APPBP2: variants seen among roughly 807,000 people sequenced by gnomAD.
APPBP2 encodes the protein amyloid protein-binding protein 2.
A neutral mutation model predicts 76.0 loss-of-function variants in APPBP2; 15 were observed. The observed-to-expected ratio is 0.20, with a 90% confidence interval of 0.13 to 0.30. The LOEUF (loss-of-function observed/expected upper bound fraction) is 0.30, where lower values mean the gene tolerates loss of function less well. Ranked by LOEUF, APPBP2 falls within the 10% of genes least tolerant of loss-of-function variation. APPBP2 has a pLI of 1.00. For missense variants in APPBP2, 401 were observed against 687.2 expected, an observed-to-expected ratio of 0.58 and a Z score of 4.66; for synonymous variants, 222 against 242.2, an observed-to-expected ratio of 0.92 and a Z score of 0.77.
At chr17:60,504,946 A>G (rs1007356661) in intron 1 of APPBP2, among the ~76,000 whole-genome samples, 3 of 152,190 alleles carry the variant, frequency 2.0e-5, no homozygotes, top group African/African-American at 7.2e-5. Flanking sequence ...AAATAGCCAA[A>G]ACTTCAGAAA....
intron 9 of APPBP2, 116 bp from the exon 10 acceptor site, chr17:60,456,497 T>C (rs1270611234): frequency 1.4e-6 from 1 of 702,084 alleles, no homozygotes; most frequent in Non-Finnish European, 2.4e-6. Flanking sequence ...AAACTATCTG[T>C]GGTAAAGATC....
At chr17:60,495,928 C>T (rs1476885962) in intron 2 of APPBP2, among the ~76,000 whole-genome samples, 1 of 152,096 alleles carries the variant, frequency 6.6e-6, no homozygotes, top group Non-Finnish European at 1.5e-5. Flanking sequence ...GCAGTATTAT[C>T]CTTACGATGG....
intron 4 of APPBP2, among the ~76,000 whole-genome samples, chr17:60,472,563 C>T (rs2090561512): frequency 6.6e-6 from 1 of 152,014 alleles, no homozygotes; most frequent in Admixed American, 6.6e-5. Flanking sequence ...CTTTGTTAGT[C>T]TGGTATGGTT....
chr17:60,506,137 T>C (rs888653329), intron 1 of APPBP2, among the ~76,000 whole-genome samples: 4 of 151,998 alleles, frequency 2.6e-5, no homozygotes, highest in Admixed American at 6.6e-5. Context: ...ACTACAGGCA[T>C]GCACAACCAT....
chr17:60,489,397 G>A (rs1391231804), intron 3 of APPBP2, among the ~76,000 whole-genome samples: 1 of 151,552 alleles, frequency 6.6e-6, no homozygotes. Flanking sequence ...GATCACCTGA[G>A]GTTAGCAATT....
At chr17:60,488,969 T>C (rs1171328632) in intron 3 of APPBP2, among the ~76,000 whole-genome samples, 1 of 152,074 alleles carries the variant, frequency 6.6e-6, no homozygotes, top group Admixed American at 6.6e-5. Flanking sequence ...ATGCCTGTAA[T>C]CCCAGCACTT....
chr17:60,502,486 C>T (rs1049667537), intron 1 of APPBP2, among the ~76,000 whole-genome samples: 1 of 148,236 alleles, frequency 6.7e-6, no homozygotes, highest in Non-Finnish European at 1.5e-5. Context: ...AACACTAAGA[C>T]AACAATCTTA....
intron 2 of APPBP2, among the ~76,000 whole-genome samples, chr17:60,498,275 G>C (rs1213846526): frequency 1.3e-5 from 2 of 152,200 alleles, no homozygotes; most frequent in Non-Finnish European, 2.9e-5. Flanking sequence ...CTTTCCAAAG[G>C]GGATAGAAGG....
chr17:60,455,805 T>C (rs761570720), intron 10 of APPBP2, among the ~76,000 whole-genome samples: 5 of 152,034 alleles, frequency 3.3e-5, no homozygotes, highest in Middle Eastern at 3.4e-3. Context: ...TGAGACAGAG[T>C]CTCGTTCTGT....
intron 8 of APPBP2, chr17:60,461,306 C>A (rs574554542): frequency 1.3e-5 from 2 of 153,428 alleles, no homozygotes; most frequent in South Asian, 4.1e-4. Context: ...ACTTGGGAGG[C>A]AGAGGTTGCA....
chr17:60,484,047 T>C (rs1299308531), intron 3 of APPBP2, among the ~76,000 whole-genome samples: 3 of 152,088 alleles, frequency 2.0e-5, no homozygotes, highest in Non-Finnish European at 4.4e-5. Context: ...TGTAGATGTG[T>C]GGTATTATTT....
At chr17:60,463,055 A>C (rs1359171784) in intron 6 of APPBP2, among the ~76,000 whole-genome samples, 2 of 152,170 alleles carry the variant, frequency 1.3e-5, no homozygotes, top group Non-Finnish European at 2.9e-5. Context: ...AAACGTAAGA[A>C]TATCCCTGTT....
intron 1 of APPBP2, among the ~76,000 whole-genome samples, chr17:60,518,063 AT>A (rs1166087837): frequency 8.9e-6 from 1 of 111,778 alleles, no homozygotes; most frequent in Non-Finnish European, 1.6e-5. Context: ...TGTTCTTACA[AT>A]TTCCTTTTTT....
chr17:60,445,989 A>G lies in APPBP2; in HGVS notation c.*1592T>C, dbSNP rs530463634. 1 of 152,326 alleles carries G rather than the reference A, an allele frequency of 6.6e-6. No individual in the cohort carries two copies. Among genetic ancestry groups the G allele is most frequent in the Non-Finnish European group, 1.5e-5 (1 of 68,034 alleles). The allele number at this position is 152,326 out of a possible 1,614,324, so 9.4% of individuals were successfully genotyped here. A position where few individuals can be genotyped will look rare whatever the true frequency, so the allele number is the denominator to read the frequency against. On this transcript the variant is annotated 3_prime_UTR_variant, in exon 13 of 13. Transcript: ENST00000083182. Reference sequence around the variant, plus strand: ...GTGCTTAAAATATTAATAAAATTTGAAATCTACAACTTTTCTGTACTCAAT... The same window carrying G: ...GTGCTTAAAATATTAATAAAATTTGGAATCTACAACTTTTCTGTACTCAAT...
At chr17:60,513,723 C>T (rs943286328) in intron 1 of APPBP2, among the ~76,000 whole-genome samples, 7 of 151,426 alleles carry the variant, frequency 4.6e-5, no homozygotes, top group Non-Finnish European at 1.0e-4. Flanking sequence ...ATTAGCCGGG[C>T]GTGGTGGCGG....
intron 1 of APPBP2, among the ~76,000 whole-genome samples, chr17:60,523,996 C>T (rs916202000): frequency 3.3e-5 from 5 of 152,170 alleles, no homozygotes; most frequent in Admixed American, 2.0e-4. Flanking sequence ...GTTACAGGCA[C>T]ATGTTTAACA....
rs765762179 is a variant in APPBP2, at chr17:60,452,066, A to G, written c.1339-21T>C. Reference sequence around the variant, plus strand: ...GCTTCCTGAAAAACAATTATGCCATATCAATCATTATACTTTTTCTCATCT... The same window carrying G: ...GCTTCCTGAAAAACAATTATGCCATGTCAATCATTATACTTTTTCTCATCT... On this transcript the variant is annotated intron_variant, in intron 11 of 12. Coordinates refer to ENST00000083182, the MANE Select transcript of APPBP2 (RefSeq NM_006380.5). 3.7e-6 allele frequency: 6 copies of G among 1,607,926 alleles called. No homozygotes were observed. The African/African-American group carries it at 8.1e-5, about 22-fold the overall frequency.
chr17:60,486,239 T>A (rs2090676659), intron 3 of APPBP2, among the ~76,000 whole-genome samples: 4 of 152,228 alleles, frequency 2.6e-5, no homozygotes, highest in Admixed American at 2.0e-4. Context: ...TGAGTTCAAA[T>A]CCTGGATATC....
Position 60,444,170 on chromosome 17 carries a change from C to T in APPBP2, c.*3411G>A, listed in dbSNP as rs1038156825. 6.6e-6 allele frequency: 1 copy of T among 151,866 alleles called. No individual in the cohort carries two copies. The highest frequency in any genetic ancestry group is 2.4e-5 in the African/African-American group (1 of 40,986). The allele number at this position is 151,866 out of a possible 1,614,324, so 9.4% of individuals were successfully genotyped here. On this transcript the variant is annotated 3_prime_UTR_variant, in exon 13 of 13. Transcript: ENST00000083182. Reference sequence around the variant, plus strand: ...ATTTCCTGGCAACTAAGTTCCTCCACAGCCAAGAGGTGAAGTACACATCCA... The same window carrying T: ...ATTTCCTGGCAACTAAGTTCCTCCATAGCCAAGAGGTGAAGTACACATCCA...
Sources: gnomAD v4.1 joint callset for allele counts (sites outside exome capture counted in the v4.1 genomes callset) on GRCh38, gnomAD v4.1.1 for gene constraint, MANE v1.5 for transcripts, NCBI Gene and HGNC (gene_info 2026-07-23, HGNC 2026-07-21) for gene names.